The following KIT variants were observed in gnomAD, a reference collection of about 807,000 sequenced individuals.
The protein encoded by KIT is KIT proto-oncogene, receptor tyrosine kinase.
In KIT, 16 loss-of-function variants were observed where a neutral mutation model predicts 105.7. That is an observed-to-expected ratio of 0.15 (90% confidence interval 0.10 to 0.23). The LOEUF is 0.23. Ranked by LOEUF, KIT falls within the 10% of genes least tolerant of loss-of-function variation. KIT has a pLI of 1.00. For missense variants in KIT, 858 were observed against 1,213.8 expected (o/e 0.71, Z 4.36); for synonymous variants, 438 against 441.1 (o/e 0.99, Z 0.09).
intron 1 of KIT, among the ~76,000 whole-genome samples, chr4:54,669,280 C>G (rs755961429): frequency 2.7e-5 from 4 of 149,702 alleles, no homozygotes; most frequent in Non-Finnish European, 5.9e-5. Context: ...TTTAGTAGAT[C>G]TGAATGTGTT....
chr4:54,698,970 T>G (rs75643979), intron 3 of KIT, among the ~76,000 whole-genome samples: 2,053 of 152,312 alleles, frequency 0.013, 48 homozygotes, highest in African/African-American at 0.046. Flanking sequence ...CTTCAGCTGA[T>G]CAATTGCAAT....
chr4:54,663,950 C>T (rs1455967424), intron 1 of KIT, among the ~76,000 whole-genome samples: 4 of 152,202 alleles, frequency 2.6e-5, no homozygotes, highest in Admixed American at 6.5e-5. Flanking sequence ...CTTGGTCCTA[C>T]GTTACAGGCT....
chr4:54,681,904 G>A (rs1319179170), intron 1 of KIT, among the ~76,000 whole-genome samples: 1 of 151,922 alleles, frequency 6.6e-6, no homozygotes, highest in Non-Finnish European at 1.5e-5. Flanking sequence ...GCTGGGCATG[G>A]TGGCGGAGGT....
intron 1 of KIT, among the ~76,000 whole-genome samples, chr4:54,693,418 T>G (rs1719847328): frequency 1.3e-5 from 2 of 152,210 alleles, no homozygotes; most frequent in Non-Finnish European, 2.9e-5. Context: ...AAGAGCCCTT[T>G]AAGATCAATG....
chr4:54,696,248 AT>A (rs1157381495), intron 2 of KIT, among the ~76,000 whole-genome samples: 3 of 152,210 alleles, frequency 2.0e-5, no homozygotes, highest in African/African-American at 7.2e-5. Flanking sequence ...TAAACATCCC[AT>A]GTCTGTCATG....
chr4:54,681,996 A>G (rs1361652135), intron 1 of KIT, among the ~76,000 whole-genome samples: 1 of 152,008 alleles, frequency 6.6e-6, no homozygotes, highest in South Asian at 2.1e-4. Flanking sequence ...AACAAAGTAG[A>G]TGTTTAGTTA....
Position 54,658,113 on chromosome 4 carries a change from C to T in KIT, c.67+32C>T, listed in dbSNP as rs368510928. 862 of 1,607,396 alleles carry T rather than the reference C, an allele frequency of 5.4e-4. 2 individuals carry two copies. The highest frequency in any genetic ancestry group is 1.5e-3 in the Middle Eastern group (9 of 6,050). ...CACCGCGGCTGGCACCCCGACCGTG[C>T]GACTACTCGGCGAAGCCTGTGCCTG... On this transcript the variant is annotated intron_variant, in intron 1 of 20. Coordinates refer to ENST00000288135, the MANE Select transcript of KIT (RefSeq NM_000222.3).
chr4:54,707,006 C>A, intron 5 of KIT, 92 bp from the exon 6 acceptor site: 4 of 723,164 alleles, frequency 5.5e-6, no homozygotes, highest in South Asian at 1.7e-5. Context: ...GGAAATCAAC[C>A]AATTGTTTTT....
chr4:54,695,908 C>T, intron 2 of KIT, 127 bp downstream of exon 2: 1 of 1,072,186 alleles, frequency 9.3e-7, no homozygotes, highest in Non-Finnish European at 1.4e-6. Context: ...AGGCCTAAAA[C>T]ACATGTTTCT....
chr4:54,735,384 AAAAAAAAAG>A (rs774533341), intron 17 of KIT, among the ~76,000 whole-genome samples: 15,224 of 149,454 alleles, frequency 0.1, 780 homozygotes, highest in South Asian at 0.17. Flanking sequence ...AAAAAGAAAA[AAAAAAAAAG>A]CTTTCCCAGT....
intron 7 of KIT, among the ~76,000 whole-genome samples, chr4:54,712,815 T>C (rs923058855): frequency 9.2e-5 from 14 of 152,184 alleles, no homozygotes; most frequent in African/African-American, 3.4e-4. Context: ...TCCCACTGTA[T>C]TTCACTGGAT....
chr4:54,698,017 T>G (rs996017899), intron 2 of KIT, among the ~76,000 whole-genome samples: 1 of 152,172 alleles, frequency 6.6e-6, no homozygotes, highest in Non-Finnish European at 1.5e-5. Context: ...ATGGCAATAA[T>G]AATAGTACTG....
At chr4:54,682,643 T>G (rs1177526439) in intron 1 of KIT, among the ~76,000 whole-genome samples, 4 of 151,972 alleles carry the variant, frequency 2.6e-5, no homozygotes, top group Non-Finnish European at 5.9e-5. Context: ...TGGCCAAGAC[T>G]GGTCTTGAAC....
Position 54,657,989 on chromosome 4 carries a change from G to T in KIT, c.-26G>T, listed in dbSNP as rs1198654363. ...GGCGAGAGCTGGAACGTGGACCAGA[G>T]CTCGGATCCCATCGCAGCTACCGCG... On this transcript the variant is annotated 5_prime_UTR_variant, in exon 1 of 21. Transcript: ENST00000288135. 8 of 1,611,866 alleles carry T rather than the reference G, an allele frequency of 5.0e-6. No homozygotes were observed. Among genetic ancestry groups the T allele is most frequent in the African/African-American group, 1.3e-5 (1 of 75,012 alleles).
At chr4:54,687,894 T>C (rs1351723987) in intron 1 of KIT, among the ~76,000 whole-genome samples, 1 of 152,224 alleles carries the variant, frequency 6.6e-6, no homozygotes, top group East Asian at 1.9e-4. Flanking sequence ...ATTAGCATTA[T>C]GTCTTTGTCT....
chr4:54,678,346 TTCCTTCCCTCCCTCCC>T (rs1341821799), intron 1 of KIT, among the ~76,000 whole-genome samples: 29 of 78,994 alleles, frequency 3.7e-4, no homozygotes, highest in African/African-American at 2.8e-3. Context: ...CCTTCCTTCC[TTCCTTCCCTCCCTCCC>T]TCCCTCCCTC....
intron 4 of KIT, among the ~76,000 whole-genome samples, chr4:54,701,256 C>G (rs1318774130): frequency 6.6e-6 from 1 of 152,182 alleles, no homozygotes; most frequent in African/African-American, 2.4e-5. Flanking sequence ...AAATCACGTG[C>G]AAACAATATG....
chr4:54,723,514 G>A (rs1191531342), intron 7 of KIT, 70 bp from the exon 8 acceptor site: 1 of 970,720 alleles, frequency 1.0e-6, no homozygotes, highest in African/African-American at 1.6e-5. Flanking sequence ...AGGGATTAGA[G>A]AGGGAGTGAA....
rs2109794777 is a variant in KIT at position 54,731,864 on chromosome 4, C to T, written c.2234-7C>T. 2 of 1,613,124 alleles carry T rather than the reference C, an allele frequency of 1.2e-6. No individual in the cohort carries two copies. The highest frequency in any genetic ancestry group is 1.7e-6 in the Non-Finnish European group (2 of 1,179,358). Reference sequence around the variant, plus strand: ...AATTGCTAAGAAAAATCCTCTCTTCCTCACAGGCTCATACATAGAAAGAGA... The same window carrying T: ...AATTGCTAAGAAAAATCCTCTCTTCTTCACAGGCTCATACATAGAAAGAGA... On this transcript the variant is annotated splice_region_variant and splice_polypyrimidine_tract_variant and intron_variant, in intron 15 of 20. Transcript: ENST00000288135.
Sources: gnomAD v4.1 joint callset for allele counts (sites outside exome capture counted in the v4.1 genomes callset) on GRCh38, gnomAD v4.1.1 for gene constraint, MANE v1.5 for transcripts, NCBI Gene and HGNC (gene_info 2026-07-23, HGNC 2026-07-21) for gene names.